The following ERC2 variants were observed in gnomAD, a reference collection of about 807,000 sequenced individuals.
ERC2 encodes the protein ERC protein 2.
Under a neutral mutation model 114.8 loss-of-function variants are expected in ERC2, and 42 were observed. The ratio of observed to expected loss-of-function variants is 0.37; its 90% confidence interval spans 0.29 to 0.47. The LOEUF is 0.47. Ranked by LOEUF, ERC2 falls within the 20% of genes least tolerant of loss-of-function variation. The pLI, the probability that ERC2 is intolerant of heterozygous loss-of-function variation, is 0.99. For missense variants in ERC2, 939 were observed against 1,150.7 expected (o/e 0.82, Z 2.66); for synonymous variants, 454 against 425.5 (o/e 1.07, Z -0.82).
At chr3:55,842,843 G>A (rs532337622) in intron 14 of ERC2, among the ~76,000 whole-genome samples, 28 of 152,136 alleles carry the variant, frequency 1.8e-4, no homozygotes, top group African/African-American at 6.7e-4. Flanking sequence ...AACCTCTAAC[G>A]ATCAAAAGTG....
chr3:56,032,941 A>G (rs1560056590), intron 7 of ERC2, among the ~76,000 whole-genome samples: 66 of 103,466 alleles, frequency 6.4e-4, no homozygotes, highest in East Asian at 1.5e-3. Flanking sequence ...GAAAGAAAGA[A>G]AGAAAGAAAG....
rs368349242 is a variant in ERC2, at chr3:55,941,826, T to C, written c.2403+8599A>G. On this transcript the variant is annotated intron_variant, in intron 13 of 17. Transcript: ENST00000288221. ...ATTATCTAAAGAGTCCTAAACTCTG[T>C]ACTCTGTTCTCACAGTAATTATCTC... is the stretch of plus-strand genomic sequence containing the variant. Among the ~76,000 whole-genome samples the C allele has an allele frequency of 3.4e-4, 52 of 152,354 alleles. 1 individual carries two copies. In the East Asian group the frequency reaches 4.6e-3, roughly 14 times the overall value.
At chr3:56,219,863 T>G (rs2049779893) in intron 3 of ERC2, among the ~76,000 whole-genome samples, 1 of 152,070 alleles carries the variant, frequency 6.6e-6, no homozygotes, top group African/African-American at 2.4e-5. Context: ...TCCTGATAAG[T>G]TTGGGCAATT....
At chr3:56,170,997 C>T (rs1290847365) in intron 4 of ERC2, among the ~76,000 whole-genome samples, 1 of 152,048 alleles carries the variant, frequency 6.6e-6, no homozygotes, top group Non-Finnish European at 1.5e-5. Context: ...ATCTCCTGAC[C>T]TCATGATCCG....
At chr3:55,810,196 A>G (rs972790619) in intron 14 of ERC2, among the ~76,000 whole-genome samples, 1 of 152,212 alleles carries the variant, frequency 6.6e-6, no homozygotes, top group African/African-American at 2.4e-5. Flanking sequence ...ACACACAGAA[A>G]TCATATCATA....
chr3:56,422,518 G>A (rs6791015), intron 2 of ERC2, among the ~76,000 whole-genome samples: 6,585 of 152,108 alleles, frequency 0.043, 369 homozygotes, highest in African/African-American at 0.12. Context: ...CCTCCTGCTG[G>A]CCCTCCCTCC....
At chr3:55,863,272 A>G (rs2062106768) in intron 14 of ERC2, among the ~76,000 whole-genome samples, 1 of 152,172 alleles carries the variant, frequency 6.6e-6, no homozygotes, top group African/African-American at 2.4e-5. Flanking sequence ...AGTACTGGAT[A>G]AGTGAGGCAC....
chr3:56,151,614 C>T (rs1309319977), intron 4 of ERC2, among the ~76,000 whole-genome samples: 1 of 152,084 alleles, frequency 6.6e-6, no homozygotes, highest in Non-Finnish European at 1.5e-5. Flanking sequence ...GGCATGTCTA[C>T]CGCTTTTCAA....
chr3:55,706,258 T>C (rs75312811), intron 15 of ERC2, among the ~76,000 whole-genome samples: 2,701 of 152,316 alleles, frequency 0.018, 83 homozygotes, highest in African/African-American at 0.062. Context: ...GCACCCTTTG[T>C]TGGCCTTTTC....
At chr3:56,177,570 C>T (rs1431204517) in intron 3 of ERC2, among the ~76,000 whole-genome samples, 1 of 152,148 alleles carries the variant, frequency 6.6e-6, no homozygotes, top group Non-Finnish European at 1.5e-5. Context: ...GACACAAAAG[C>T]ACATGCAAGC....
At chr3:56,082,465 C>T (rs1012878344) in intron 6 of ERC2, among the ~76,000 whole-genome samples, 1 of 152,008 alleles carries the variant, frequency 6.6e-6, no homozygotes, top group Non-Finnish European at 1.5e-5. Flanking sequence ...CACCCAGTCT[C>T]GGTGCTTTGT....
chr3:56,007,459 CA>C, intron 9 of ERC2, 138 bp from the exon 10 acceptor site: 2 of 793,340 alleles, frequency 2.5e-6, no homozygotes, highest in Non-Finnish European at 3.8e-6. Context: ...ACTAAGGTAA[CA>C]ATAGTCAGCT....
chr3:55,831,218 G>A lies in ERC2; in HGVS notation c.2564+57171C>T, dbSNP rs115074158. On this transcript the variant is annotated intron_variant, in intron 14 of 17. Coordinates refer to ENST00000288221, the MANE Select transcript of ERC2 (RefSeq NM_015576.3). ...TCCTAGCTACTTAGGAGGCTAAGGTGGGAGAACTGGTCAAGCCCAGAAGTG... is the reference window on the plus strand; with the variant it reads ...TCCTAGCTACTTAGGAGGCTAAGGTAGGAGAACTGGTCAAGCCCAGAAGTG... Among the ~76,000 whole-genome samples, 229 of 150,388 alleles carry A rather than the reference G, an allele frequency of 1.5e-3. 1 individual carries two copies. The highest frequency in any genetic ancestry group is 5.4e-3 in the African/African-American group (222 of 40,798).
At chr3:55,613,764 A>C (rs1450195633) in intron 17 of ERC2, among the ~76,000 whole-genome samples, 1 of 151,854 alleles carries the variant, frequency 6.6e-6, no homozygotes, top group African/African-American at 2.4e-5. Context: ...GGATCACCTG[A>C]GGGTCAGGAG....
intron 3 of ERC2, among the ~76,000 whole-genome samples, chr3:56,215,894 C>T (rs999878499): frequency 1.6e-4 from 25 of 152,320 alleles, no homozygotes; most frequent in Admixed American, 1.2e-3. Context: ...TGAATGACTA[C>T]TCGGTACATA....
chr3:55,580,201 T>C (rs1258607297), intron 17 of ERC2, among the ~76,000 whole-genome samples: 1 of 152,054 alleles, frequency 6.6e-6, no homozygotes, highest in African/African-American at 2.4e-5. Context: ...AAACTGAATG[T>C]AAATACCACT....
At chr3:56,350,268 T>C (rs1246546182) in intron 2 of ERC2, among the ~76,000 whole-genome samples, 1 of 152,252 alleles carries the variant, frequency 6.6e-6, no homozygotes, top group Non-Finnish European at 1.5e-5. Flanking sequence ...AGGGGCTTAT[T>C]GTCAACTACA....
intron 15 of ERC2, among the ~76,000 whole-genome samples, chr3:55,730,191 C>T (rs976305729): frequency 3.3e-5 from 5 of 152,078 alleles, no homozygotes; most frequent in African/African-American, 1.2e-4. Context: ...TCCTGCAGCA[C>T]CAGGGCCAAC....
chr3:56,239,753 T>C (rs1199094363), intron 3 of ERC2, among the ~76,000 whole-genome samples: 2 of 152,214 alleles, frequency 1.3e-5, no homozygotes, highest in Non-Finnish European at 2.9e-5. Flanking sequence ...AGAAACAGCT[T>C]TCCCCCTTCT....
Sources: gnomAD v4.1 joint callset for allele counts (sites outside exome capture counted in the v4.1 genomes callset) on GRCh38, gnomAD v4.1.1 for gene constraint, MANE v1.5 for transcripts, NCBI Gene and HGNC (gene_info 2026-07-23, HGNC 2026-07-21) for gene names.